Variants in SGCZ observed in about 807,000 individuals in gnomAD.
SGCZ encodes the protein sarcoglycan zeta, also known as zeta-sarcoglycan.
In SGCZ, 40 loss-of-function variants were observed where a neutral mutation model predicts 41.3. The observed-to-expected ratio is 0.97, with a 90% CI of 0.75 to 1.26. The LOEUF is 1.26. Ranked by LOEUF, SGCZ falls within the 50% of genes most tolerant of loss-of-function variation. The probability of loss-of-function intolerance (pLI) is 0.00; values close to 1 mark genes in which losing one functional copy is unlikely to be tolerated. For synonymous variants in SGCZ, 206 were observed against 137.5 expected (o/e 1.50, Z -3.49); for missense variants, 552 against 369.8 (o/e 1.49, Z -4.04).
At chr8:14,900,549 G>C (rs1257130049) in intron 1 of SGCZ, among the ~76,000 whole-genome samples, 2 of 152,098 alleles carry the variant, frequency 1.3e-5, no homozygotes, top group African/African-American at 2.4e-5. Context: ...GGTCCAAGCT[G>C]AATGACAGCC....
intron 1 of SGCZ, among the ~76,000 whole-genome samples, chr8:14,932,013 T>C (rs4401862): frequency 0.47 from 71,348 of 151,662 alleles, 18,002 homozygotes; most frequent in African/African-American, 0.65. Flanking sequence ...AAATATACAA[T>C]TTGTTAAATA....
intron 2 of SGCZ, among the ~76,000 whole-genome samples, chr8:14,545,083 T>C (rs1380748775): frequency 6.6e-6 from 1 of 152,096 alleles, no homozygotes; most frequent in Non-Finnish European, 1.5e-5. Flanking sequence ...AATTCCTCTC[T>C]TTGTACTGTC....
chr8:14,831,777 C>T (rs202036409), intron 1 of SGCZ, among the ~76,000 whole-genome samples: 1 of 19,772 alleles, frequency 5.1e-5, no homozygotes, highest in Admixed American at 6.6e-4. Flanking sequence ...TATATACACA[C>T]ACGTATATAT....
Position 14,391,314 on chromosome 8 carries a change from T to C in SGCZ, c.235-67110A>G, listed in dbSNP as rs186275661. The stretch of plus-strand genomic sequence containing the variant: ...GATTTTTTTTTCCTTCTTATAAAAG[T>C]TGTATACAATTATTACACATATAAA... On this transcript the variant is annotated intron_variant, in intron 2 of 7. Transcript: ENST00000382080. Among the ~76,000 whole-genome samples the C allele has an allele frequency of 8.9e-4, 135 of 152,266 alleles. 2 individuals carry two copies. The highest frequency in any genetic ancestry group is 3.0e-3 in the African/African-American group (126 of 41,562).
At chr8:14,417,198 G>T (rs11782596) in intron 2 of SGCZ, among the ~76,000 whole-genome samples, 85,921 of 151,600 alleles carry the variant, frequency 0.57, 25,220 homozygotes, top group South Asian at 0.75. Flanking sequence ...TGGAAGAAGT[G>T]TGAATGCTGA....
chr8:14,543,778 T>C (rs566176109), intron 2 of SGCZ, among the ~76,000 whole-genome samples: 9 of 152,286 alleles, frequency 5.9e-5, no homozygotes, highest in African/African-American at 1.4e-4. Context: ...CTTAGATCTA[T>C]CCAGTAAATT....
intron 1 of SGCZ, among the ~76,000 whole-genome samples, chr8:14,685,272 G>A (rs983613133): frequency 6.6e-6 from 1 of 152,066 alleles, no homozygotes; most frequent in Admixed American, 6.6e-5. Context: ...TAATTATTAT[G>A]TGGTATTTTG....
chr8:15,000,141 A>G (rs1017418667), intron 1 of SGCZ, among the ~76,000 whole-genome samples: 7 of 152,180 alleles, frequency 4.6e-5, no homozygotes, highest in Admixed American at 1.3e-4. Flanking sequence ...AGAAAAAATC[A>G]TATGATGGGA....
chr8:14,399,783 G>A (rs1386891067), intron 2 of SGCZ, among the ~76,000 whole-genome samples: 1 of 151,952 alleles, frequency 6.6e-6, no homozygotes, highest in Non-Finnish European at 1.5e-5. Context: ...CCTTTTCAAA[G>A]GACTAACAAA....
At chr8:14,556,123 T>C (rs189410510) in intron 1 of SGCZ, among the ~76,000 whole-genome samples, 88 of 151,958 alleles carry the variant, frequency 5.8e-4, no homozygotes, top group Middle Eastern at 3.7e-3. Context: ...ACAATATGAA[T>C]AAGCACTGAA....
At chr8:14,344,848 A>G (rs1010468644) in intron 2 of SGCZ, among the ~76,000 whole-genome samples, 4 of 151,996 alleles carry the variant, frequency 2.6e-5, no homozygotes, top group Non-Finnish European at 5.9e-5. Context: ...ATTTTTTTTT[A>G]ATAATCTCAA....
At chr8:14,470,622 T>C (rs948564669) in intron 2 of SGCZ, among the ~76,000 whole-genome samples, 2 of 152,146 alleles carry the variant, frequency 1.3e-5, no homozygotes, top group African/African-American at 4.8e-5. Flanking sequence ...TCTGTCCAAG[T>C]TTATTTCTGA....
intron 5 of SGCZ, among the ~76,000 whole-genome samples, chr8:14,152,258 A>G (rs553703330): frequency 1.5e-3 from 221 of 152,314 alleles, no homozygotes; most frequent in African/African-American, 5.0e-3. Flanking sequence ...AAAGAATTCA[A>G]TTAGCAAATG....
At chr8:14,484,610 G>A (rs953736958) in intron 2 of SGCZ, among the ~76,000 whole-genome samples, 2 of 151,958 alleles carry the variant, frequency 1.3e-5, no homozygotes, top group African/African-American at 2.4e-5. Context: ...TTTATGTTCC[G>A]TTTTTGCTGT....
At chr8:15,020,537 C>T (rs1208927135) in intron 1 of SGCZ, among the ~76,000 whole-genome samples, 1 of 152,098 alleles carries the variant, frequency 6.6e-6, no homozygotes, top group Non-Finnish European at 1.5e-5. Context: ...AAAATATAAT[C>T]GCTGTCAGCT....
At chr8:14,577,407 G>A (rs1374393668) in intron 1 of SGCZ, among the ~76,000 whole-genome samples, 2 of 29,648 alleles carry the variant, frequency 6.7e-5, no homozygotes, top group Non-Finnish European at 1.3e-4. Context: ...TTTTTTTTTT[G>A]AGACAGAGTC....
At chr8:15,156,218 T>G (rs918201558) in intron 1 of SGCZ, among the ~76,000 whole-genome samples, 3 of 152,150 alleles carry the variant, frequency 2.0e-5, no homozygotes, top group Admixed American at 1.3e-4. Context: ...AAATGGCTAA[T>G]GTCCAAAAAC....
chr8:14,400,654 T>G (rs765645388), intron 2 of SGCZ, among the ~76,000 whole-genome samples: 1 of 152,194 alleles, frequency 6.6e-6, no homozygotes, highest in Non-Finnish European at 1.5e-5. Context: ...GAACTTTGCA[T>G]GTCTTAAATA....
chr8:14,581,661 A>C (rs1245968123), intron 1 of SGCZ, among the ~76,000 whole-genome samples: 3 of 152,082 alleles, frequency 2.0e-5, no homozygotes, highest in African/African-American at 7.2e-5. Flanking sequence ...CATCACCAAG[A>C]GTTACTATTC....
Sources: allele counts gnomAD v4.1 joint callset (sites outside exome capture counted in the v4.1 genomes callset), GRCh38; gene constraint gnomAD v4.1.1; transcripts MANE v1.5; gene names NCBI Gene and HGNC (gene_info 2026-07-23, HGNC 2026-07-21).